Variants in RFX3 observed in about 807,000 individuals in gnomAD.
RFX3 encodes regulatory factor X3, also known as transcription factor RFX3.
Under a neutral mutation model 98.6 loss-of-function variants are expected in RFX3, and 14 were observed. The ratio of observed to expected loss-of-function variants is 0.14; its 90% confidence interval spans 0.09 to 0.22. The LOEUF is 0.22. Among genes scored for constraint, RFX3 ranks in the 10% least tolerant of loss-of-function variants. The pLI, the probability that RFX3 is intolerant of heterozygous loss-of-function variation, is 1.00. For missense variants in RFX3, 639 were observed against 926.9 expected (o/e 0.69, Z 4.03); for synonymous variants, 383 against 328.4 (o/e 1.17, Z -1.80).
At chr9:3,302,663 T>C (rs1035363112) in intron 4 of RFX3, among the ~76,000 whole-genome samples, 1 of 151,878 alleles carries the variant, frequency 6.6e-6, no homozygotes, top group Admixed American at 6.6e-5. Flanking sequence ...TTAACTTTCT[T>C]ATACTTTGAC....
At position 3,325,432 on chromosome 9, in the gene RFX3, T is replaced by C. The variant is rs147059071; in HGVS notation, c.474+4827A>G. Among the ~76,000 whole-genome samples the C allele has an allele frequency of 6.0e-3, 920 of 152,076 alleles. 2 individuals carry two copies. The highest frequency in any genetic ancestry group is 9.8e-3 in the Non-Finnish European group (669 of 67,944). On this transcript the variant is annotated intron_variant, in intron 4 of 16. Coordinates refer to ENST00000617270, the MANE Select transcript of RFX3 (RefSeq NM_001282116.2). ...AATATTTTACATTAATCAAAAGAGG[T>C]GGGAATATGAACAATATTAATTTCA...
At chr9:3,377,197 A>T (rs1477255911) in intron 2 of RFX3, among the ~76,000 whole-genome samples, 1 of 152,220 alleles carries the variant, frequency 6.6e-6, no homozygotes, top group Non-Finnish European at 1.5e-5. Flanking sequence ...ACCAACCCAA[A>T]TGTCCATCAG....
intron 8 of RFX3, among the ~76,000 whole-genome samples, chr9:3,276,097 T>C (rs2131403907): frequency 6.6e-6 from 1 of 152,258 alleles, no homozygotes. Context: ...ATTAATTTGA[T>C]GTGATGGATG....
chr9:3,498,037 G>A (rs1851236565), intron 1 of RFX3, among the ~76,000 whole-genome samples: 1 of 152,014 alleles, frequency 6.6e-6, no homozygotes, highest in Admixed American at 6.6e-5. Context: ...TGCTGTCAAA[G>A]ACTGTAGTTC....
intron 1 of RFX3, among the ~76,000 whole-genome samples, chr9:3,493,933 T>C (rs1850930745): frequency 6.6e-6 from 1 of 151,824 alleles, no homozygotes; most frequent in African/African-American, 2.4e-5. Flanking sequence ...CCTTTTAAGA[T>C]CCATGTCCTG....
intron 15 of RFX3, among the ~76,000 whole-genome samples, chr9:3,235,572 G>C (rs1035820140): frequency 6.6e-6 from 1 of 152,162 alleles, no homozygotes; most frequent in African/African-American, 2.4e-5. Flanking sequence ...AAATCAAGGT[G>C]TTGGCAGAGT....
At chr9:3,234,264 T>G (rs565356251) in intron 15 of RFX3, among the ~76,000 whole-genome samples, 17 of 152,334 alleles carry the variant, frequency 1.1e-4, no homozygotes, top group Non-Finnish European at 1.8e-4. Flanking sequence ...CTGTCACAGT[T>G]ATTCAACCCT....
At chr9:3,484,714 C>A (rs1445082375) in intron 1 of RFX3, among the ~76,000 whole-genome samples, 1 of 152,152 alleles carries the variant, frequency 6.6e-6, no homozygotes, top group African/African-American at 2.4e-5. Context: ...AGGACCAAAA[C>A]TGGTTTCTCC....
At chr9:3,323,402 T>C (rs1587063503) in intron 4 of RFX3, among the ~76,000 whole-genome samples, 4 of 152,194 alleles carry the variant, frequency 2.6e-5, no homozygotes, top group Admixed American at 2.6e-4. Flanking sequence ...GCATTTCATA[T>C]TTTATCTGGA....
At position 3,504,874 on chromosome 9, in the gene RFX3, ATATAT is replaced by A. The variant is rs1358621266; in HGVS notation, c.-9+20868_-9+20872del. 8.6e-3 allele frequency among the ~76,000 whole-genome samples: 630 copies of A among 73,486 alleles called. 10 individuals carry two copies. Among genetic ancestry groups the A allele is most frequent in the Middle Eastern group, 0.031 (2 of 64 alleles). 48.2% of individuals were successfully genotyped at this position (73,486 alleles called of 152,430 possible). Reference sequence around the variant, plus strand: ...TTATATATGATATAATATATATTATATATATTATATATAATATAACATATATTATA... The same window carrying A: ...TTATATATGATATAATATATATTATATATATATAATATAACATATATTATA... On this transcript the variant is annotated intron_variant, in intron 1 of 16. Transcript: ENST00000617270.
At chr9:3,276,789 T>C (rs912730205) in intron 8 of RFX3, among the ~76,000 whole-genome samples, 2 of 152,048 alleles carry the variant, frequency 1.3e-5, no homozygotes, top group African/African-American at 4.8e-5. Flanking sequence ...AAAGTGCCAC[T>C]TTTTTGCCCC....
At chr9:3,381,674 C>T (rs895642111) in intron 2 of RFX3, among the ~76,000 whole-genome samples, 4 of 151,858 alleles carry the variant, frequency 2.6e-5, no homozygotes, top group African/African-American at 9.7e-5. Context: ...CTTGATTTCT[C>T]TTCTTTAATC....
chr9:3,398,970 C>T (rs924761027), intron 1 of RFX3, among the ~76,000 whole-genome samples: 5 of 102,848 alleles, frequency 4.9e-5, no homozygotes, highest in Non-Finnish European at 6.1e-5. Flanking sequence ...TAATTCTTAA[C>T]AACTCCCAAT....
intron 4 of RFX3, among the ~76,000 whole-genome samples, chr9:3,328,930 C>T (rs889467727): frequency 1.3e-5 from 2 of 152,126 alleles, no homozygotes; most frequent in Non-Finnish European, 2.9e-5. Flanking sequence ...CCCCAGCACC[C>T]TTTTATATGT....
chr9:3,418,144 T>C (rs956913593), intron 1 of RFX3, among the ~76,000 whole-genome samples: 2 of 152,140 alleles, frequency 1.3e-5, no homozygotes, highest in African/African-American at 4.8e-5. Flanking sequence ...TTACCACAGT[T>C]GAGTAGCCAT....
At chr9:3,393,585 G>A (rs1289011715) in intron 2 of RFX3, among the ~76,000 whole-genome samples, 1 of 147,060 alleles carries the variant, frequency 6.8e-6, no homozygotes, top group East Asian at 1.9e-4. Flanking sequence ...TGTCTGAATT[G>A]TTCTTTACTT....
intron 14 of RFX3, among the ~76,000 whole-genome samples, chr9:3,256,764 C>T (rs537134842): frequency 6.6e-6 from 1 of 152,178 alleles, no homozygotes; most frequent in African/African-American, 2.4e-5. Context: ...GGGCTTTGAG[C>T]AAGAGATTTC....
At chr9:3,380,710 A>C (rs1346575864) in intron 2 of RFX3, among the ~76,000 whole-genome samples, 4 of 152,236 alleles carry the variant, frequency 2.6e-5, no homozygotes, top group African/African-American at 7.2e-5. Context: ...GCTAACTTGA[A>C]GTATTACCAA....
At chr9:3,281,701 A>C (rs1471459789) in intron 7 of RFX3, among the ~76,000 whole-genome samples, 1 of 151,806 alleles carries the variant, frequency 6.6e-6, no homozygotes, top group Non-Finnish European at 1.5e-5. Flanking sequence ...TGTATGCATA[A>C]AACCTGTCAC....
Sources: gnomAD v4.1 joint callset for allele counts (sites outside exome capture counted in the v4.1 genomes callset) on GRCh38, gnomAD v4.1.1 for gene constraint, MANE v1.5 for transcripts, NCBI Gene and HGNC (gene_info 2026-07-23, HGNC 2026-07-21) for gene names.